The following APC2 variants were observed in gnomAD, a reference collection of about 807,000 sequenced individuals.
APC2 encodes the protein adenomatous polyposis coli protein 2.
A neutral mutation model predicts 72.5 loss-of-function variants in APC2; 41 were observed. The observed-to-expected ratio is 0.57, with a 90% CI of 0.44 to 0.73. The LOEUF (loss-of-function observed/expected upper bound fraction) is 0.73, where lower values mean the gene tolerates loss of function less well. APC2 is among the 30% of genes least tolerant of loss of function. APC2 has a pLI of 0.00. For synonymous variants in APC2, 1,898 were observed against 1,612.0 expected, an observed-to-expected ratio of 1.18 and a Z score of -4.25; for missense variants, 3,729 against 3,403.4, an observed-to-expected ratio of 1.10 and a Z score of -2.38.
At position 1,466,128 on chromosome 19, in the gene APC2, C is replaced by T. The variant is rs1361374259; in HGVS notation, c.2827C>T (p.Leu943=). ...CGGGTACTGCCCACGCGAACATATG[C>T]TGCCCTGCCCGCTGGCCGCACTGGC... ...SDGYCPREHM[L]PCPLAALASR... The change falls in exon 15 of 15, where the codon CTG becomes TTG. Residue 943 remains leucine (L), a synonymous_variant. Transcript: ENST00000590469. 6.4e-7 allele frequency: 1 copy of T among 1,565,102 alleles called. No homozygotes were observed. The highest frequency in any genetic ancestry group is 8.6e-7 in the Non-Finnish European group (1 of 1,165,946).
In APC2 at chr19:1,454,676, A is replaced by G. The variant is rs557055476; in HGVS notation, c.414-473A>G. Among the ~76,000 whole-genome samples the G allele has an allele frequency of 1.8e-3, 253 of 143,412 alleles. 2 individuals carry two copies. Among genetic ancestry groups the G allele is most frequent in the African/African-American group, 3.5e-3 (131 of 37,860 alleles). 94.1% of individuals were successfully genotyped at this position (143,412 alleles called of 152,430 possible). On this transcript the variant is annotated intron_variant, in intron 4 of 14. Coordinates refer to ENST00000590469, the MANE Select transcript of APC2 (RefSeq NM_005883.3). Reference sequence around the variant, plus strand: ...CCTCCCGGGTTCACACCATTCTCCCACCTCAGCCTCCCGAGTAGCTGGGAC... The same window carrying G: ...CCTCCCGGGTTCACACCATTCTCCCGCCTCAGCCTCCCGAGTAGCTGGGAC...
intron 6 of APC2, 132 bp downstream of exon 6, chr19:1,455,632 G>C: frequency 3.3e-6 from 3 of 910,170 alleles, no homozygotes; most frequent in Non-Finnish European, 5.0e-6. Flanking sequence ...GGGGGCGCGG[G>C]TTCTGGTTCA....
In APC2 at chr19:1,453,357, G is replaced by T; in HGVS notation, c.232+20G>T. 3 of 1,611,370 alleles carry T rather than the reference G, an allele frequency of 1.9e-6. No homozygotes were observed. In the Admixed American group the frequency reaches 5.0e-5, roughly 27 times the overall value. On this transcript the variant is annotated intron_variant, in intron 3 of 14. Coordinates refer to ENST00000590469, the MANE Select transcript of APC2 (RefSeq NM_005883.3). The stretch of plus-strand genomic sequence containing the variant: ...TGAAGGGTGAGCGGTGGGGCCACCC[G>T]CAGAGGGAGTGGGGGAGGCTGGGGG...
In APC2 at chr19:1,457,895, C is replaced by CGGGGG. The variant is rs71174372; in HGVS notation, c.1208-67_1208-66insGGGGG. 10 of 1,251,674 alleles carry CGGGGG rather than the reference C, an allele frequency of 8.0e-6. 1 individual carries two copies. The African/African-American group carries it at 2.3e-4, about 28-fold the overall frequency. 77.5% of individuals were successfully genotyped at this position (1,251,674 alleles called of 1,614,324 possible). ...CTTCAGGCCTGGGGCGGGCGGGTTGCGGGACCTTCGGGAGTCACCTGGGAC... is the reference window on the plus strand; with the variant it reads ...CTTCAGGCCTGGGGCGGGCGGGTTGCGGGGGGGGACCTTCGGGAGTCACCTGGGAC... On this transcript the variant is annotated intron_variant, in intron 9 of 14. Coordinates refer to ENST00000590469, the MANE Select transcript of APC2 (RefSeq NM_005883.3).
In APC2 at chr19:1,467,686, G is replaced by C. The variant is rs559473525; in HGVS notation, c.4385G>C (p.Arg1462Thr). 1.4e-5 allele frequency: 21 copies of C among 1,471,132 alleles called. No individual in the cohort carries two copies. In the South Asian group the frequency reaches 2.1e-4, roughly 15 times the overall value. The allele number at this position is 1,471,132 out of a possible 1,614,324, so 91.1% of individuals were successfully genotyped here. A position where few individuals can be genotyped will look rare whatever the true frequency, so the allele number is the denominator to read the frequency against. Reference protein sequence around the residue: ...AEQSRGAGKNRAGLELPLGRP... With the variant: ...AEQSRGAGKNTAGLELPLGRP... ...CAGTCTCGGGGCGCGGGCAAGAACA[G>C]AGCAGGGCTGGAGCTGCCCCTGGGC... The change falls in exon 15 of 15, where the codon AGA (arginine) becomes ACA (threonine). Residue 1462 changes from arginine to threonine, a missense_variant. Arg to Thr is a moderately conservative substitution (Grantham distance 71). Coordinates refer to ENST00000590469, the MANE Select transcript of APC2 (RefSeq NM_005883.3).
rs1218360510 is a variant in APC2 at position 1,471,526 on chromosome 19, A to T, written c.*1313A>T. 6.6e-6 allele frequency: 1 copy of T among 151,960 alleles called. No homozygotes were observed. Among genetic ancestry groups the T allele is most frequent in the Non-Finnish European group, 1.5e-5 (1 of 68,002 alleles). The allele number at this position is 151,960 out of a possible 1,614,324, so 9.4% of individuals were successfully genotyped here. On this transcript the variant is annotated 3_prime_UTR_variant, in exon 15 of 15. Transcript: ENST00000590469. The stretch of plus-strand genomic sequence containing the variant: ...AGCTGGGCCTCCTGCGTGGGGTGGG[A>T]CTCGCAGGGGCCGGGTCTCCGTGAC...
chr19:1,467,078 C>T lies in APC2; in HGVS notation c.3777C>T (p.Gly1259=). The change falls in exon 15 of 15, where the codon GGC becomes GGT. Residue 1259 remains glycine (G), a synonymous_variant. Coordinates refer to ENST00000590469, the MANE Select transcript of APC2 (RefSeq NM_005883.3). ...RCRLPSELDA[G]SVRFTVEKPD... ...GGCTGCCATCTGAGCTGGACGCAGG[C>T]AGCGTGCGCTTTACCGTGGAGAAGC... 2 of 1,611,048 alleles carry T rather than the reference C, an allele frequency of 1.2e-6. No homozygotes were observed. Among genetic ancestry groups the T allele is most frequent in the Non-Finnish European group, 8.5e-7 (1 of 1,179,300 alleles).
chr19:1,464,246 T>C (rs1422837906), intron 14 of APC2, among the ~76,000 whole-genome samples: 1 of 151,246 alleles, frequency 6.6e-6, no homozygotes, highest in African/African-American at 2.4e-5. Context: ...GAGGTGGAGG[T>C]TGCAGTGAGC....
upstream of APC2, among the ~76,000 whole-genome samples, chr19:1,448,775 C>G (rs1158804020): frequency 6.7e-6 from 1 of 148,230 alleles, no homozygotes; most frequent in Non-Finnish European, 1.5e-5. Context: ...ACCTGGGAGG[C>G]GGAGCTTGCA....
In APC2 at chr19:1,452,633, T is replaced by C. The variant is rs993345944; in HGVS notation, c.-18-351T>C. ...TGGGTTAGGCTGTCCCAGCTGTCTG[T>C]GTGTTTGTCCGGCTGTCAGGATGTG... On this transcript the variant is annotated intron_variant, in intron 1 of 14. Coordinates refer to ENST00000590469, the MANE Select transcript of APC2 (RefSeq NM_005883.3). This position sits in a 1 kb window ranked among gnomAD's most constrained non-coding sequence, Gnocchi z 5.1. 4.4e-6 allele frequency: 1 copy of C among 228,700 alleles called. No homozygotes were observed. The highest frequency in any genetic ancestry group is 6.9e-5 in the South Asian group (1 of 14,418). The allele number at this position is 228,700 out of a possible 1,614,324, so 14.2% of individuals were successfully genotyped here. A position where few individuals can be genotyped will look rare whatever the true frequency, so the allele number is the denominator to read the frequency against.
rs752311235 is a variant in APC2 at position 1,455,247 on chromosome 19, A to G, written c.512A>G (p.His171Arg). 6.4e-7 allele frequency: 1 copy of G among 1,574,552 alleles called. No homozygotes were observed. Among genetic ancestry groups the G allele is most frequent in the East Asian group, 2.3e-5 (1 of 42,936 alleles). Residue 171 changes from histidine to arginine, a missense_variant, in exon 5 of 15, where the codon CAC (histidine) becomes CGC (arginine). By Grantham distance (29) the His-to-Arg change is conservative (BLOSUM62 0). Transcript: ENST00000590469. ...TCCAAGCGCCTGGACGAGCTGCCGCACGTGGAGACGGTGAGCCGGCCGGGG... is the reference window on the plus strand; with the variant it reads ...TCCAAGCGCCTGGACGAGCTGCCGCGCGTGGAGACGGTGAGCCGGCCGGGG... ...GLSKRLDELP[H>R]VETQFSMQMD...
Position 1,453,522 on chromosome 19 carries a change from C to T in APC2, c.324C>T (p.Ser108=). 1 of 1,611,556 alleles carries T rather than the reference C, an allele frequency of 6.2e-7. No homozygotes were observed. Among genetic ancestry groups the T allele is most frequent in the South Asian group, 1.1e-5 (1 of 91,042 alleles). Residue 108 remains serine (S), a synonymous_variant, in exon 4 of 15, where the codon AGC becomes AGT. Coordinates refer to ENST00000590469, the MANE Select transcript of APC2 (RefSeq NM_005883.3). ...PEPAARTPEG[S]PVHGSGPSKD... ...CTGCCGCCCGGACCCCCGAGGGCAGCCCAGTACACGGCTCCGGGCCCTCCA... is the reference window on the plus strand; with the variant it reads ...CTGCCGCCCGGACCCCCGAGGGCAGTCCAGTACACGGCTCCGGGCCCTCCA...
chr19:1,466,167 G>A lies in APC2; in HGVS notation c.2866G>A (p.Asp956Asn), dbSNP rs769422427. 113 of 1,562,148 alleles carry A rather than the reference G, an allele frequency of 7.2e-5. No homozygotes were observed. The highest frequency in any genetic ancestry group is 9.3e-5 in the Non-Finnish European group (108 of 1,164,814). The change falls in exon 15 of 15, where the codon GAC (aspartate) becomes AAC (asparagine). Residue 956 changes from aspartate to asparagine, a missense_variant. Physicochemically the swap from Asp to Asn is conservative, Grantham distance 23. Transcript: ENST00000590469. ...PLAALASRRE[D>N]PRCGQPRPSR... ...GGCCGCACTGGCTTCGCGCCGCGAG[G>A]ACCCCAGGTGTGGGCAGCCTCGGCC...
At position 1,472,290 on chromosome 19, in the gene APC2, C is replaced by T. The variant is rs1381444715; in HGVS notation, c.*2077C>T. The T allele has an allele frequency of 6.6e-6, 1 of 152,354 alleles. No individual in the cohort carries two copies. The highest frequency in any genetic ancestry group is 1.5e-5 in the Non-Finnish European group (1 of 68,132). 9.4% of individuals were successfully genotyped at this position (152,354 alleles called of 1,614,324 possible). The stretch of plus-strand genomic sequence containing the variant: ...CCCCGGCCCGCTGCGCCCCTAATTG[C>T]CAAAGGGTAGGGAAATGGCGAAGCC... On this transcript the variant is annotated 3_prime_UTR_variant, in exon 15 of 15. Coordinates refer to ENST00000590469, the MANE Select transcript of APC2 (RefSeq NM_005883.3).
chr19:1,465,206 T>G lies in APC2; in HGVS notation c.1905T>G (p.Thr635=). 6.2e-7 allele frequency: 1 copy of G among 1,609,796 alleles called. No homozygotes were observed. Among genetic ancestry groups the G allele is most frequent in the Non-Finnish European group, 8.5e-7 (1 of 1,178,934 alleles). The change falls in exon 15 of 15, where the codon ACT becomes ACG. Residue 635 remains threonine (T), a synonymous_variant. Transcript: ENST00000590469. The part of the protein sequence containing the change: ...NCLQTLLQHL[T]SHSLTIVSNA... The stretch of plus-strand genomic sequence containing the variant: ...TGCAGACGCTGCTGCAGCATCTGAC[T>G]TCGCACAGCCTGACCATCGTGAGCA...
chr19:1,460,957 T>A, intron 12 of APC2, 80 bp from the exon 13 acceptor site: 2 of 1,594,734 alleles, frequency 1.3e-6, no homozygotes, highest in South Asian at 1.1e-5. Context: ...CCCGTCCGAC[T>A]CTCTGCAGAC....
Position 1,456,387 on chromosome 19 carries a change from C to A in APC2, c.799C>A (p.Gln267Lys). ...VPTHPEDGTPQPGNSKVEVVF... is the reference protein window; with the variant it reads ...VPTHPEDGTPKPGNSKVEVVF... ...CACACACCCTGAGGATGGCACCCCT[C>A]AGCCGGGCAACAGCAAGGTGAGGGG... The change falls in exon 8 of 15, where the codon CAG becomes AAG. Residue 267 changes from glutamine to lysine, a missense_variant. By Grantham distance (53) the Gln-to-Lys change is moderately conservative (BLOSUM62 1). Coordinates refer to ENST00000590469, the MANE Select transcript of APC2 (RefSeq NM_005883.3). The A allele has an allele frequency of 6.2e-7, 1 of 1,604,876 alleles. No homozygotes were observed. Among genetic ancestry groups the A allele is most frequent in the South Asian group, 1.1e-5 (1 of 89,780 alleles).
In APC2 at chr19:1,469,216, T is replaced by C; in HGVS notation, c.5915T>C (p.Leu1972Pro). Residue 1972 changes from leucine (L) to proline (P), a missense_variant, in exon 15 of 15, where the codon CTG becomes CCG. Transcript: ENST00000590469. The part of the protein sequence containing the change: ...GPGARGGRLG[L>P]VRVASALSSG... Reference sequence around the variant, plus strand: ...GGGGCGCGCGGGGGCCGCCTGGGCCTGGTGCGTGTGGCCTCAGCCCTCTCC... The same window carrying C: ...GGGGCGCGCGGGGGCCGCCTGGGCCCGGTGCGTGTGGCCTCAGCCCTCTCC... The C allele has an allele frequency of 1.4e-6, 2 of 1,401,818 alleles. No individual in the cohort carries two copies. Among genetic ancestry groups the C allele is most frequent in the Non-Finnish European group, 1.9e-6 (2 of 1,074,052 alleles). The allele number at this position is 1,401,818 out of a possible 1,614,324, so 86.8% of individuals were successfully genotyped here. A position where few individuals can be genotyped will look rare whatever the true frequency, so the allele number is the denominator to read the frequency against.
rs757037018 is a variant in APC2, at chr19:1,455,275, C to T, written c.522+18C>T. 6.4e-7 allele frequency: 1 copy of T among 1,565,126 alleles called. No individual in the cohort carries two copies. On this transcript the variant is annotated intron_variant, in intron 5 of 14. Transcript: ENST00000590469. ...TGGAGACGGTGAGCCGGCCGGGGAG[C>T]CAGGGGGCAGCGCGCCCGCCCCACT...
Sources: allele counts gnomAD v4.1 joint callset (sites outside exome capture counted in the v4.1 genomes callset), GRCh38; gene constraint gnomAD v4.1.1; non-coding constraint Gnocchi (gnomAD v3.1); transcripts MANE v1.5; gene names NCBI Gene and HGNC (gene_info 2026-07-23, HGNC 2026-07-21).